The following TNKS2 variants were observed in gnomAD, a reference collection of about 807,000 sequenced individuals.
TNKS2 encodes the protein poly [ADP-ribose] polymerase tankyrase-2.
TNKS2 carries 72 observed loss-of-function variants against 137.6 expected under a neutral mutation model. That is an observed-to-expected ratio of 0.52 (90% CI 0.43 to 0.64). The LOEUF (loss-of-function observed/expected upper bound fraction) is 0.64. TNKS2 is among the 30% of genes least tolerant of loss of function. TNKS2 has a pLI of 0.00. For synonymous variants in TNKS2, 516 were observed against 512.1 expected (o/e 1.01, Z -0.10); for missense variants, 1,049 against 1,410.2 (o/e 0.74, Z 4.10).
chr10:91,832,168 T>C (rs750288322), intron 11 of TNKS2, among the ~76,000 whole-genome samples: 19 of 152,220 alleles, frequency 1.2e-4, no homozygotes, highest in Non-Finnish European at 2.8e-4. Flanking sequence ...TTGTAAATTA[T>C]TGAATAAAAT....
At chr10:91,846,147 G>T (rs773235771) in intron 18 of TNKS2, among the ~76,000 whole-genome samples, 1 of 152,068 alleles carries the variant, frequency 6.6e-6, no homozygotes, top group African/African-American at 2.4e-5. Flanking sequence ...TTATCAATCA[G>T]TTATTATATA....
At chr10:91,819,360 CTT>C (rs74263177) in intron 4 of TNKS2, 54 bp downstream of exon 4, 43,600 of 1,101,870 alleles carry the variant, frequency 0.04, no homozygotes, top group South Asian at 0.059. Flanking sequence ...TTAACTTTTT[CTT>C]TTTTTTTTTT....
At chr10:91,859,724 T>C in intron 25 of TNKS2, 76 bp downstream of exon 25, 1 of 1,259,204 alleles carries the variant, frequency 7.9e-7, no homozygotes, top group Non-Finnish European at 1.1e-6. Flanking sequence ...GGCAAAGCAT[T>C]ATGTTGGACA....
Position 91,863,288 on chromosome 10 carries a change from T to C in TNKS2, c.*289T>C, listed in dbSNP as rs1187932383. ...GTTAACTTGAACCTTTTATATGTTA[T>C]GCATTGATTCTAACAAACTGTAATG... On this transcript the variant is annotated 3_prime_UTR_variant, in exon 27 of 27. Coordinates refer to ENST00000371627, the MANE Select transcript of TNKS2 (RefSeq NM_025235.4). 1.1e-5 allele frequency: 3 copies of C among 264,582 alleles called. No homozygotes were observed. Among genetic ancestry groups the C allele is most frequent in the Non-Finnish European group, 2.2e-5 (3 of 139,406 alleles). 16.4% of individuals were successfully genotyped at this position (264,582 alleles called of 1,614,324 possible).
chr10:91,848,446 A>G lies in TNKS2; in HGVS notation c.2422A>G (p.Lys808Glu). The change falls in exon 19 of 27, where the codon AAG (lysine) becomes GAG (glutamate). Residue 808 changes from lysine (K) to glutamate (E), a missense_variant. By Grantham distance (56) the Lys-to-Glu change is moderately conservative. Transcript: ENST00000371627. Reference protein sequence around the residue: ...MPPSALPSCYKPQVLNGVRSP... With the variant: ...MPPSALPSCYEPQVLNGVRSP... ...CCCATCTGCTCTGCCCTCTTGTTAC[A>G]AGCCTCAAGTGCTCAATGGTGTGAG... 1 of 1,614,162 alleles carries G rather than the reference A, an allele frequency of 6.2e-7. No homozygotes were observed. Among genetic ancestry groups the G allele is most frequent in the Non-Finnish European group, 8.5e-7 (1 of 1,180,024 alleles).
intron 14 of TNKS2, 88 bp from the exon 15 acceptor site, chr10:91,841,195 T>C: frequency 8.5e-7 from 1 of 1,181,386 alleles, no homozygotes; most frequent in Non-Finnish European, 1.2e-6. Context: ...CTTATGTAGT[T>C]CAAGAATTAT....
At chr10:91,799,045 G>A (rs972666268) in intron 1 of TNKS2, among the ~76,000 whole-genome samples, 156 bp downstream of exon 1, 34 of 152,304 alleles carry the variant, frequency 2.2e-4, no homozygotes, top group African/African-American at 7.2e-4. Flanking sequence ...AAGGAGATTA[G>A]GGGTAGGGTG....
chr10:91,825,438 A>G (rs147915028), intron 7 of TNKS2, among the ~76,000 whole-genome samples: 1 of 152,278 alleles, frequency 6.6e-6, no homozygotes, highest in East Asian at 1.9e-4. Flanking sequence ...AAACTAAAGT[A>G]TATTTAGTTG....
chr10:91,841,755 T>A lies in TNKS2; in HGVS notation c.1839+307T>A, dbSNP rs148442944. Among the ~76,000 whole-genome samples, 634 of 152,242 alleles carry A rather than the reference T, an allele frequency of 4.2e-3. 4 individuals carry two copies. The highest frequency in any genetic ancestry group is 0.014 in the African/African-American group (590 of 41,578). ...AAAAATATTTGATGAATTATTTACT[T>A]ACAAGCCAGATTTATTTAGCATTGA... On this transcript the variant is annotated intron_variant, in intron 15 of 26. Coordinates refer to ENST00000371627, the MANE Select transcript of TNKS2 (RefSeq NM_025235.4).
At chr10:91,814,044 A>G (rs1229533701) in intron 2 of TNKS2, among the ~76,000 whole-genome samples, 2 of 152,190 alleles carry the variant, frequency 1.3e-5, no homozygotes, top group South Asian at 2.1e-4. Context: ...TTAAAAAAAA[A>G]AGTTAACTGT....
intron 2 of TNKS2, among the ~76,000 whole-genome samples, chr10:91,816,513 G>A (rs1844702970): frequency 6.6e-6 from 1 of 152,144 alleles, no homozygotes; most frequent in Non-Finnish European, 1.5e-5. Flanking sequence ...CCTTACAAGT[G>A]CATTGTATTA....
intron 13 of TNKS2, among the ~76,000 whole-genome samples, chr10:91,837,496 C>A (rs1005384651): frequency 2.0e-5 from 3 of 152,154 alleles, no homozygotes; most frequent in African/African-American, 4.8e-5. Context: ...TCAGGTCTTA[C>A]CTGTTTCTCC....
chr10:91,817,709 A>G (rs1313806311), intron 3 of TNKS2, among the ~76,000 whole-genome samples: 2 of 152,132 alleles, frequency 1.3e-5, no homozygotes, highest in South Asian at 4.1e-4. Context: ...TTAACTTTTC[A>G]GAAGAGGATT....
At chr10:91,799,502 C>T (rs1844088303) in intron 1 of TNKS2, among the ~76,000 whole-genome samples, 1 of 152,182 alleles carries the variant, frequency 6.6e-6, no homozygotes, top group South Asian at 2.1e-4. Context: ...GCCTTAGACA[C>T]ACACACATAC....
rs1274914206 is a variant in TNKS2 at position 91,817,200 on chromosome 10, C to T, written c.491C>T (p.Ala164Val). 1 of 1,613,458 alleles carries T rather than the reference C, an allele frequency of 6.2e-7. No individual in the cohort carries two copies. Among genetic ancestry groups the T allele is most frequent in the Non-Finnish European group, 8.5e-7 (1 of 1,179,684 alleles). Reference protein sequence around the residue: ...NTDGRTALDLADPSAKAVLTG... With the variant: ...NTDGRTALDLVDPSAKAVLTG... The stretch of plus-strand genomic sequence containing the variant: ...GATGGAAGGACAGCATTGGATTTAG[C>T]AGATCCATCTGCCAAAGCAGTGCTT... Residue 164 changes from alanine (A) to valine (V), a missense_variant, in exon 3 of 27, where the codon GCA (alanine) becomes GTA (valine). Ala to Val is a moderately conservative substitution (Grantham distance 64, BLOSUM62 0). Transcript: ENST00000371627.
intron 13 of TNKS2, among the ~76,000 whole-genome samples, chr10:91,838,355 G>A (rs950694251): frequency 5.3e-5 from 8 of 152,008 alleles, no homozygotes; most frequent in Non-Finnish European, 1.5e-5. Flanking sequence ...ATCTCCATCA[G>A]CCATTCTTCT....
At chr10:91,839,424 C>A (rs769274998) in intron 13 of TNKS2, among the ~76,000 whole-genome samples, 3 of 151,854 alleles carry the variant, frequency 2.0e-5, no homozygotes, top group East Asian at 3.9e-4. Flanking sequence ...CTCACTGCAA[C>A]GTCTGCCTCC....
At chr10:91,847,863 G>C (rs1034554759) in intron 18 of TNKS2, among the ~76,000 whole-genome samples, 2 of 152,120 alleles carry the variant, frequency 1.3e-5, no homozygotes, top group African/African-American at 4.8e-5. Context: ...TGATATTTCT[G>C]TAATTCGTTG....
intron 21 of TNKS2, among the ~76,000 whole-genome samples, chr10:91,854,820 T>C (rs540661727): frequency 6.4e-4 from 97 of 151,602 alleles, no homozygotes; most frequent in African/African-American, 2.3e-3. Context: ...GGAGAATCGC[T>C]TGAACCCAGG....
Sources: allele counts gnomAD v4.1 joint callset (sites outside exome capture counted in the v4.1 genomes callset), GRCh38; gene constraint gnomAD v4.1.1; transcripts MANE v1.5; gene names NCBI Gene and HGNC (gene_info 2026-07-23, HGNC 2026-07-21).